DSCAM: variants seen among roughly 807,000 people sequenced by gnomAD.
DSCAM encodes the protein cell adhesion molecule DSCAM.
In DSCAM, 47 loss-of-function variants were observed where a neutral mutation model predicts 217.7. That is an observed-to-expected ratio of 0.22 (90% CI 0.17 to 0.28). The LOEUF is 0.28. Among genes scored for constraint, DSCAM ranks in the 10% least tolerant of loss-of-function variants. The pLI is 1.00. For missense variants in DSCAM, 2,080 were observed against 2,618.3 expected (o/e 0.79, Z 4.49); for synonymous variants, 1,056 against 1,015.3 (o/e 1.04, Z -0.76).
intron 1 of DSCAM, among the ~76,000 whole-genome samples, chr21:40,749,011 G>A (rs757021410): frequency 9.2e-5 from 14 of 152,066 alleles, no homozygotes; most frequent in Non-Finnish European, 1.9e-4. Context: ...AACGGTCCTC[G>A]GAAACTGGAT....
Position 40,052,109 on chromosome 21 carries a change from T to C in DSCAM, c.5036-2A>G. On this transcript the variant is annotated splice_acceptor_variant, in intron 29 of 32. Coordinates refer to ENST00000400454, the MANE Select transcript of DSCAM (RefSeq NM_001389.5). LOFTEE classifies it high-confidence loss of function. ...TCAACAGAACCGTGGAGCGATCATC[T>C]ACAGGATGGCAGGAACACAGAAAGC... The C allele has an allele frequency of 6.2e-7, 1 of 1,613,530 alleles. No homozygotes were observed. The highest frequency in any genetic ancestry group is 8.5e-7 in the Non-Finnish European group (1 of 1,179,808).
chr21:40,162,180 C>A (rs1194409735), intron 16 of DSCAM, among the ~76,000 whole-genome samples: 3 of 152,220 alleles, frequency 2.0e-5, no homozygotes, highest in African/African-American at 7.2e-5. Flanking sequence ...GGTGGAAGTC[C>A]TCAATCTGAC....
At chr21:40,420,909 G>A (rs2075417759) in intron 3 of DSCAM, among the ~76,000 whole-genome samples, 1 of 152,140 alleles carries the variant, frequency 6.6e-6, no homozygotes, top group Non-Finnish European at 1.5e-5. Context: ...CAGACTTCCA[G>A]CCTCCAAAAC....
chr21:40,084,152 A>C (rs141440589), intron 23 of DSCAM, 146 bp from the exon 24 acceptor site: 1 of 609,532 alleles, frequency 1.6e-6, no homozygotes, highest in Non-Finnish European at 2.9e-6. Flanking sequence ...CTTCTGTCAA[A>C]ATGTCTATTT....
chr21:40,769,655 C>T (rs904897194), intron 1 of DSCAM, among the ~76,000 whole-genome samples: 4 of 152,160 alleles, frequency 2.6e-5, no homozygotes, highest in Admixed American at 2.6e-4. Flanking sequence ...TAGGCAGGCC[C>T]CTCTCTAAGC....
chr21:40,350,736 C>T (rs746141274), intron 5 of DSCAM, among the ~76,000 whole-genome samples: 1 of 151,960 alleles, frequency 6.6e-6, no homozygotes, highest in African/African-American at 2.4e-5. Flanking sequence ...AGATTGGGAA[C>T]CACATGAATT....
chr21:40,523,534 C>T (rs2076376468), intron 3 of DSCAM, among the ~76,000 whole-genome samples: 1 of 152,160 alleles, frequency 6.6e-6, no homozygotes, highest in African/African-American at 2.4e-5. Flanking sequence ...GCCCTGGTGG[C>T]TGAGCGGCCC....
At chr21:40,184,268 T>G (rs1224042508) in intron 14 of DSCAM, among the ~76,000 whole-genome samples, 1 of 152,204 alleles carries the variant, frequency 6.6e-6, no homozygotes, top group Non-Finnish European at 1.5e-5. Context: ...AGGAAGAAAC[T>G]AATACATGAA....
intron 3 of DSCAM, among the ~76,000 whole-genome samples, chr21:40,455,600 C>T (rs549899620): frequency 6.6e-6 from 1 of 152,198 alleles, no homozygotes; most frequent in Non-Finnish European, 1.5e-5. Flanking sequence ...AACCCCGTCT[C>T]TACTGTAAAT....
At chr21:40,674,759 G>A (rs1261211402) in intron 3 of DSCAM, among the ~76,000 whole-genome samples, 9 of 150,832 alleles carry the variant, frequency 6.0e-5, no homozygotes, top group Non-Finnish European at 1.3e-4. Flanking sequence ...CAGCCTCCCG[G>A]GTAGTTGGGA....
chr21:40,738,368 T>C (rs1601194454), intron 1 of DSCAM, among the ~76,000 whole-genome samples: 1 of 152,340 alleles, frequency 6.6e-6, no homozygotes. Context: ...CTGTAACCAC[T>C]TAATTGTAAT....
chr21:40,460,975 G>A (rs2075801061), intron 3 of DSCAM, among the ~76,000 whole-genome samples: 2 of 152,280 alleles, frequency 1.3e-5, no homozygotes, highest in African/African-American at 2.4e-5. Context: ...GATATACGGT[G>A]CATATGCAAG....
chr21:40,554,762 T>A (rs545539166), intron 3 of DSCAM, among the ~76,000 whole-genome samples: 1 of 152,352 alleles, frequency 6.6e-6, no homozygotes, highest in South Asian at 2.1e-4. Flanking sequence ...TGGATTTTGG[T>A]AACCTTCTGG....
At chr21:40,124,173 A>G (rs1310343953) in intron 20 of DSCAM, 22 bp downstream of exon 20, 1 of 1,613,762 alleles carries the variant, frequency 6.2e-7, no homozygotes, top group Non-Finnish European at 8.5e-7. Context: ...CTTGAAAGGC[A>G]CTTGGTTATT....
At chr21:40,422,964 G>A (rs1394935462) in intron 3 of DSCAM, among the ~76,000 whole-genome samples, 3 of 152,208 alleles carry the variant, frequency 2.0e-5, no homozygotes, top group Non-Finnish European at 4.4e-5. Flanking sequence ...TAAAGGTTAA[G>A]TATCTTTATC....
chr21:40,536,686 G>A (rs368118310), intron 3 of DSCAM, among the ~76,000 whole-genome samples: 4 of 152,276 alleles, frequency 2.6e-5, no homozygotes, highest in East Asian at 1.9e-4. Flanking sequence ...GATTACAGGC[G>A]TGAGCCACTG....
intron 10 of DSCAM, among the ~76,000 whole-genome samples, chr21:40,294,814 G>A (rs2073935324): frequency 6.6e-6 from 1 of 152,178 alleles, no homozygotes; most frequent in Non-Finnish European, 1.5e-5. Context: ...AAAAAGTCAT[G>A]GGGGCAGAGA....
At chr21:40,679,106 C>G (rs1307691934) in intron 3 of DSCAM, among the ~76,000 whole-genome samples, 3 of 152,204 alleles carry the variant, frequency 2.0e-5, no homozygotes, top group Non-Finnish European at 4.4e-5. Flanking sequence ...CCAACACAGG[C>G]ACTCTTTGCC....
At chr21:40,477,364 T>A (rs1304351249) in intron 3 of DSCAM, among the ~76,000 whole-genome samples, 2 of 151,922 alleles carry the variant, frequency 1.3e-5, no homozygotes, top group Admixed American at 1.3e-4. Context: ...AAAAAGGAGA[T>A]AGTTAAAAAA....
Sources: gnomAD v4.1 joint callset for allele counts (sites outside exome capture counted in the v4.1 genomes callset) on GRCh38, gnomAD v4.1.1 for gene constraint, MANE v1.5 for transcripts, NCBI Gene and HGNC (gene_info 2026-07-23, HGNC 2026-07-21) for gene names.